The following VIT variants were observed in gnomAD, a reference collection of about 807,000 sequenced individuals.
VIT encodes vitrin.
VIT carries 99 observed loss-of-function variants against 78.0 expected under a neutral mutation model. That is an observed-to-expected ratio of 1.27 (90% CI 1.08 to 1.50). The LOEUF is 1.50. Ranked by LOEUF, VIT falls within the 40% of genes most tolerant of loss-of-function variation. The probability of loss-of-function intolerance (pLI) is 0.00; values close to 1 mark genes in which losing one functional copy is unlikely to be tolerated. For missense variants in VIT, 1,126 were observed against 875.3 expected (o/e 1.29, Z -3.61); for synonymous variants, 374 against 334.3 (o/e 1.12, Z -1.29).
At chr2:36,767,354 C>A in intron 7 of VIT, 69 bp downstream of exon 7, 1 of 1,398,322 alleles carries the variant, frequency 7.2e-7, no homozygotes. Flanking sequence ...AGTAACAGCT[C>A]TGTCTGAGCA....
intron 12 of VIT, among the ~76,000 whole-genome samples, chr2:36,800,793 T>G (rs1322746029): frequency 6.6e-6 from 1 of 152,214 alleles, no homozygotes; most frequent in South Asian, 2.1e-4. Flanking sequence ...GTTTGAGTAG[T>G]GTCACCCGGT....
chr2:36,790,839 T>C (rs572781256), intron 12 of VIT, among the ~76,000 whole-genome samples: 13 of 152,296 alleles, frequency 8.5e-5, no homozygotes, highest in African/African-American at 2.4e-5. Context: ...GAATTCTAAG[T>C]TCAAATTATA....
chr2:36,793,761 A>G (rs977205978), intron 12 of VIT, among the ~76,000 whole-genome samples: 2 of 152,300 alleles, frequency 1.3e-5, no homozygotes, highest in East Asian at 1.9e-4. Context: ...ATTAGTTAAT[A>G]TTTCTCTACT....
At chr2:36,739,384 G>A (rs376531298) in intron 3 of VIT, among the ~76,000 whole-genome samples, 4 of 152,144 alleles carry the variant, frequency 2.6e-5, no homozygotes, top group African/African-American at 9.7e-5. Context: ...AATAATCACT[G>A]TTATTAGCCT....
chr2:36,812,912 G>A (rs1667282812), intron 15 of VIT, among the ~76,000 whole-genome samples: 1 of 142,598 alleles, frequency 7.0e-6, no homozygotes, highest in Non-Finnish European at 1.5e-5. Flanking sequence ...CCAGGCTGGA[G>A]TGCAGCGGTG....
intron 1 of VIT, among the ~76,000 whole-genome samples, chr2:36,707,526 C>T (rs1665505885): frequency 6.6e-6 from 1 of 152,208 alleles, no homozygotes; most frequent in Admixed American, 6.5e-5. Flanking sequence ...GGGCCCAAGC[C>T]TGGAGCAATT....
chr2:36,810,746 G>A (rs1321179258), intron 15 of VIT, among the ~76,000 whole-genome samples: 1 of 151,320 alleles, frequency 6.6e-6, no homozygotes, highest in Non-Finnish European at 1.5e-5. Flanking sequence ...CGATTCTTCT[G>A]GCTCAGCCTC....
intron 6 of VIT, among the ~76,000 whole-genome samples, chr2:36,760,090 G>A (rs1474829189): frequency 2.0e-5 from 3 of 151,828 alleles, no homozygotes; most frequent in African/African-American, 4.8e-5. Context: ...TGCCTCCCAG[G>A]TTCAAGCGAT....
At chr2:36,768,204 A>G (rs6725491) in intron 7 of VIT, among the ~76,000 whole-genome samples, 1 of 152,186 alleles carries the variant, frequency 6.6e-6, no homozygotes, top group South Asian at 2.1e-4. Context: ...GGCCGAGGCA[A>G]GCAGATCACT....
chr2:36,735,046 C>A (rs192080292), intron 3 of VIT, among the ~76,000 whole-genome samples: 3 of 152,076 alleles, frequency 2.0e-5, no homozygotes, highest in African/African-American at 7.2e-5. Context: ...CACCTGTAAT[C>A]CCAGCTACTT....
intron 14 of VIT, 41 bp downstream of exon 14, chr2:36,805,705 C>T: frequency 6.3e-7 from 1 of 1,584,862 alleles, no homozygotes; most frequent in Non-Finnish European, 8.6e-7. Context: ...TCAGGATTTT[C>T]TGCACTCTGA....
chr2:36,778,561 C>T (rs1271505478), intron 9 of VIT, among the ~76,000 whole-genome samples: 1 of 152,168 alleles, frequency 6.6e-6, no homozygotes, highest in Non-Finnish European at 1.5e-5. Flanking sequence ...CAAAAAATAC[C>T]CCACACCGAG....
At chr2:36,804,965 T>C (rs1435103747) in intron 13 of VIT, among the ~76,000 whole-genome samples, 1 of 152,130 alleles carries the variant, frequency 6.6e-6, no homozygotes, top group Admixed American at 6.6e-5. Flanking sequence ...TGAACGTACT[T>C]AATGCCACTG....
chr2:36,765,587 A>G (rs1186974314), intron 6 of VIT, among the ~76,000 whole-genome samples: 2 of 152,196 alleles, frequency 1.3e-5, no homozygotes, highest in African/African-American at 2.4e-5. Flanking sequence ...TGGGGATTAC[A>G]ATTTGAGATG....
intron 3 of VIT, 68 bp downstream of exon 3, chr2:36,729,559 GT>G: frequency 6.6e-7 from 1 of 1,504,342 alleles, no homozygotes; most frequent in Non-Finnish European, 9.0e-7. Context: ...TATTATACTT[GT>G]TTTAGGTAAT....
At chr2:36,747,849 T>C (rs1668232058) in intron 4 of VIT, among the ~76,000 whole-genome samples, 1 of 152,246 alleles carries the variant, frequency 6.6e-6, no homozygotes, top group Admixed American at 6.5e-5. Flanking sequence ...ATAGGGTCTC[T>C]GGGCTATGAA....
chr2:36,781,848 C>A, intron 10 of VIT, 77 bp downstream of exon 10: 1 of 1,564,708 alleles, frequency 6.4e-7, no homozygotes, highest in African/African-American at 1.4e-5. Context: ...TCTAATAATC[C>A]AGCTGGCATA....
rs770064023 is a variant in VIT at position 36,808,621 on chromosome 2, C to T, written c.1539C>T (p.Phe513=). The part of the protein sequence containing the change: ...KTCLNSADIG[F]VIDGSSSVGT... ...GCTTGAACTCGGCTGACATTGGCTTCGTCATCGACGGCTCCAGCAGTGTGG... is the reference window on the plus strand; with the variant it reads ...GCTTGAACTCGGCTGACATTGGCTTTGTCATCGACGGCTCCAGCAGTGTGG... Residue 513 remains phenylalanine, a synonymous_variant, in exon 15 of 16, where the codon TTC becomes TTT. Transcript: ENST00000379242. The T allele has an allele frequency of 4.3e-6, 7 of 1,614,112 alleles. No homozygotes were observed. Among genetic ancestry groups the T allele is most frequent in the South Asian group, 3.3e-5 (3 of 91,088 alleles).
chr2:36,789,890 G>A (rs995545443), intron 12 of VIT, among the ~76,000 whole-genome samples: 4 of 152,116 alleles, frequency 2.6e-5, no homozygotes, highest in Admixed American at 6.5e-5. Context: ...GAAGCACCTG[G>A]CCAAGGGAGG....
Sources: allele counts gnomAD v4.1 joint callset (sites outside exome capture counted in the v4.1 genomes callset), GRCh38; gene constraint gnomAD v4.1.1; transcripts MANE v1.5; gene names NCBI Gene and HGNC (gene_info 2026-07-23, HGNC 2026-07-21).